The following EYS variants were observed in gnomAD, a reference collection of about 807,000 sequenced individuals.
EYS encodes EGF-like photoreceptor maintenance factor, also known as protein eyes shut homolog.
EYS carries 250 observed loss-of-function variants against 282.1 expected under a neutral mutation model. The ratio of observed to expected loss-of-function variants is 0.89; its 90% confidence interval spans 0.80 to 0.98. EYS has a LOEUF of 0.98. EYS is among the 50% of genes least tolerant of loss of function. EYS has a pLI of 0.00. For missense variants in EYS, 4,016 were observed against 3,709.0 expected (o/e 1.08, Z -2.15); for synonymous variants, 1,355 against 1,282.9 (o/e 1.06, Z -1.20).
intron 31 of EYS, among the ~76,000 whole-genome samples, chr6:64,194,164 C>A (rs1400351080): frequency 6.6e-6 from 1 of 152,110 alleles, no homozygotes; most frequent in Non-Finnish European, 1.5e-5. Context: ...AGCCACCACG[C>A]CAGGCCATTA....
At chr6:64,437,292 A>G (rs563653918) in intron 27 of EYS, among the ~76,000 whole-genome samples, 1 of 151,824 alleles carries the variant, frequency 6.6e-6, no homozygotes, top group South Asian at 2.1e-4. Context: ...AAATGGGAAA[A>G]AAATTAATTC....
chr6:65,226,191 A>G (rs1224941725), intron 12 of EYS, among the ~76,000 whole-genome samples: 1 of 152,118 alleles, frequency 6.6e-6, no homozygotes, highest in East Asian at 1.9e-4. Flanking sequence ...ATATCAACAC[A>G]CTAAAATCAA....
chr6:65,405,395 AAAG>A, intron 5 of EYS, 28 bp from the exon 6 acceptor site: 1 of 1,567,128 alleles, frequency 6.4e-7, no homozygotes, highest in South Asian at 1.1e-5. Flanking sequence ...CAAGAAAAAA[AAAG>A]AAAAGGAAGG....
Position 65,495,591 on chromosome 6 carries a change from A to C in EYS, c.-181T>G. On this transcript the variant is annotated 5_prime_UTR_variant, in exon 4 of 43. Transcript: ENST00000503581. ...TGCTTTGATGGAGAAACAGGAATTC[A>C]AATGTTGTAAATATTCCTTTAAACA... 1 of 624,404 alleles carries C rather than the reference A, an allele frequency of 1.6e-6. No individual in the cohort carries two copies. Among genetic ancestry groups the C allele is most frequent in the South Asian group, 2.0e-5 (1 of 51,002 alleles). The allele number at this position is 624,404 out of a possible 1,614,324, so 38.7% of individuals were successfully genotyped here. A position where few individuals can be genotyped will look rare whatever the true frequency, so the allele number is the denominator to read the frequency against.
intron 9 of EYS, among the ~76,000 whole-genome samples, chr6:65,349,413 A>T (rs1421257879): frequency 1.3e-5 from 2 of 151,582 alleles, no homozygotes; most frequent in Non-Finnish European, 3.0e-5. Context: ...TTTTATTAAA[A>T]TCTCAATAAA....
intron 2 of EYS, among the ~76,000 whole-genome samples, chr6:65,571,320 A>T (rs1040895403): frequency 8.6e-5 from 13 of 152,040 alleles, no homozygotes; most frequent in African/African-American, 3.1e-4. Flanking sequence ...GGTGACCATG[A>T]AAACCAAGGT....
At chr6:63,933,574 C>G (rs1016779450) in intron 35 of EYS, among the ~76,000 whole-genome samples, 1 of 152,132 alleles carries the variant, frequency 6.6e-6, no homozygotes, top group Non-Finnish European at 1.5e-5. Context: ...CATTGGTGAT[C>G]AACTCTACCT....
chr6:64,001,219 A>T (rs1180406127), intron 33 of EYS, among the ~76,000 whole-genome samples: 6 of 152,246 alleles, frequency 3.9e-5, no homozygotes, highest in African/African-American at 1.4e-4. Flanking sequence ...ATAAATGGTT[A>T]GTGAGAATCA....
At chr6:65,670,356 T>C (rs986628564) in intron 1 of EYS, among the ~76,000 whole-genome samples, 1 of 152,090 alleles carries the variant, frequency 6.6e-6, no homozygotes, top group Non-Finnish European at 1.5e-5. Flanking sequence ...TTAGGGGTGG[T>C]AAGGGATTCC....
At chr6:65,253,562 A>G (rs192834819) in intron 12 of EYS, among the ~76,000 whole-genome samples, 3 of 151,856 alleles carry the variant, frequency 2.0e-5, no homozygotes, top group Non-Finnish European at 2.9e-5. Flanking sequence ...TAAGACTGAG[A>G]TATTTTATAA....
intron 26 of EYS, among the ~76,000 whole-genome samples, chr6:64,475,550 CAAAAAAAAAAAA>C (rs56710433): frequency 2.3e-5 from 1 of 43,872 alleles, no homozygotes; most frequent in African/African-American, 1.0e-4. Context: ...GACTCCGTCT[CAAAAAAAAAAAA>C]AAAAAAAAAA....
chr6:64,192,854 C>T (rs1765158151), intron 31 of EYS, among the ~76,000 whole-genome samples: 1 of 152,080 alleles, frequency 6.6e-6, no homozygotes, highest in Non-Finnish European at 1.5e-5. Flanking sequence ...TAACTAATTG[C>T]CCTTGCATAA....
Position 65,234,852 on chromosome 6 carries a change from C to A in EYS, c.2023+61011G>T, listed in dbSNP as rs149761167. 6.5e-3 allele frequency among the ~76,000 whole-genome samples: 982 copies of A among 152,204 alleles called. 10 individuals are homozygous for A. Among genetic ancestry groups the A allele is most frequent in the African/African-American group, 0.022 (932 of 41,538 alleles). On this transcript the variant is annotated intron_variant, in intron 12 of 42. Transcript: ENST00000503581. ...TCCAGGATTTAAAGATACTACATAG[C>A]TAGTGACGTTTGATCTTTTAAAATT...
intron 2 of EYS, among the ~76,000 whole-genome samples, chr6:65,636,707 T>C (rs191023762): frequency 6.6e-6 from 1 of 152,376 alleles, no homozygotes; most frequent in African/African-American, 2.4e-5. Context: ...TGTTTTATTA[T>C]GATATATAAT....
chr6:64,648,330 C>T (rs1768427813), intron 22 of EYS, among the ~76,000 whole-genome samples: 3 of 152,148 alleles, frequency 2.0e-5, no homozygotes, highest in Admixed American at 2.0e-4. Flanking sequence ...TCAAGAAAAA[C>T]TGGCAGAAGC....
chr6:63,747,465 C>T (rs1031526447), intron 41 of EYS, among the ~76,000 whole-genome samples: 2 of 152,192 alleles, frequency 1.3e-5, no homozygotes, highest in Non-Finnish European at 2.9e-5. Context: ...ATTAGGTCCT[C>T]TTGCTCCAGA....
intron 26 of EYS, among the ~76,000 whole-genome samples, chr6:64,547,581 C>T (rs888381120): frequency 6.6e-6 from 1 of 152,208 alleles, no homozygotes; most frequent in Non-Finnish European, 1.5e-5. Flanking sequence ...TACAGAGTGC[C>T]AATTGGTGTA....
chr6:64,621,882 C>T (rs571219914), intron 23 of EYS, among the ~76,000 whole-genome samples: 2 of 152,184 alleles, frequency 1.3e-5, no homozygotes, highest in African/African-American at 4.8e-5. Context: ...TTCCCTATCA[C>T]TTTCAATTTG....
intron 14 of EYS, among the ~76,000 whole-genome samples, chr6:64,989,179 G>A (rs566493111): frequency 2.7e-5 from 4 of 150,780 alleles, no homozygotes; most frequent in South Asian, 2.1e-4. Flanking sequence ...GCTTAGAAAC[G>A]TTAAATGACT....
Sources: allele counts gnomAD v4.1 joint callset (sites outside exome capture counted in the v4.1 genomes callset), GRCh38; gene constraint gnomAD v4.1.1; transcripts MANE v1.5; gene names NCBI Gene and HGNC (gene_info 2026-07-23, HGNC 2026-07-21).